The following NAALAD2 variants were observed in gnomAD, a reference collection of about 807,000 sequenced individuals.
NAALAD2 encodes the protein N-acetylated alpha-linked acidic dipeptidase 2, also known as N-acetylated-alpha-linked acidic dipeptidase 2.
A neutral mutation model predicts 95.6 loss-of-function variants in NAALAD2; 89 were observed. The ratio of observed to expected loss-of-function variants is 0.93; its 90% CI spans 0.78 to 1.11. The LOEUF is 1.11. Among genes scored for constraint, NAALAD2 ranks in the 50% least tolerant of loss-of-function variants. NAALAD2 has a pLI of 0.00. For synonymous variants in NAALAD2, 264 were observed against 294.4 expected, an observed-to-expected ratio of 0.90 and a Z score of 1.06; for missense variants, 894 against 872.4, an observed-to-expected ratio of 1.02 and a Z score of -0.31.
At chr11:90,134,579 C>A (rs1951406797), upstream of NAALAD2, 3 of 592,974 alleles carry the variant, frequency 5.1e-6, no homozygotes, top group Non-Finnish European at 6.0e-6. Context: ...GGCTTCCTTT[C>A]CCCCATCGAG....
intron 7 of NAALAD2, 131 bp downstream of exon 7, chr11:90,158,369 AAC>A (rs1952185516): frequency 3.1e-6 from 2 of 647,114 alleles, no homozygotes; most frequent in Non-Finnish European, 5.4e-6. Flanking sequence ...AAATAGGAAT[AAC>A]AGAGTATACT....
At chr11:90,170,304 TAAG>T (rs996986694) in intron 13 of NAALAD2, among the ~76,000 whole-genome samples, 168 bp downstream of exon 13, 10 of 152,248 alleles carry the variant, frequency 6.6e-5, no homozygotes, top group Non-Finnish European at 1.5e-4. Flanking sequence ...ATGACATAAC[TAAG>T]AAGATATTAT....
At chr11:90,173,802 A>G (rs376711919) in intron 13 of NAALAD2, 22 bp from the exon 14 acceptor site, 1 of 1,570,014 alleles carries the variant, frequency 6.4e-7, no homozygotes, top group African/African-American at 1.4e-5. Flanking sequence ...CCTAATTTCC[A>G]GTATTTGATT....
At chr11:90,150,430 T>A in intron 4 of NAALAD2, 52 bp from the exon 5 acceptor site, 5 of 1,171,190 alleles carry the variant, frequency 4.3e-6, no homozygotes, top group Non-Finnish European at 5.6e-6. Context: ...ATTTTTTGTT[T>A]TTTTTTTTCT....
chr11:90,156,228 C>T (rs966392192), intron 6 of NAALAD2, among the ~76,000 whole-genome samples: 26 of 151,864 alleles, frequency 1.7e-4, no homozygotes, highest in Non-Finnish European at 3.4e-4. Context: ...TTTCCTATTT[C>T]TTTTTTTAAA....
intron 4 of NAALAD2, among the ~76,000 whole-genome samples, chr11:90,149,679 C>A (rs1370888784): frequency 6.6e-6 from 1 of 151,950 alleles, no homozygotes; most frequent in Non-Finnish European, 1.5e-5. Flanking sequence ...CTCAGGTGAT[C>A]TGCTTGCCTC....
chr11:90,163,338 G>A lies in NAALAD2; in HGVS notation c.1104G>A (p.Arg368=), dbSNP rs1201895732. The A allele has an allele frequency of 3.1e-6, 5 of 1,613,810 alleles. No individual in the cohort carries two copies. The highest frequency in any genetic ancestry group is 2.2e-5 in the East Asian group (1 of 44,880). ...PDRYVILGGH[R]DSWVFGAIDP... The stretch of plus-strand genomic sequence containing the variant: ...GGTATGTTATTCTGGGAGGTCACCG[G>A]GACTCCTGGGTATTTGGAGCTATTG... The change falls in exon 10 of 19, where the codon CGG becomes CGA. Residue 368 remains arginine (R), a synonymous_variant. Coordinates refer to ENST00000534061, the MANE Select transcript of NAALAD2 (RefSeq NM_005467.4).
Position 90,192,738 on chromosome 11 carries a change from C to CTGA in NAALAD2, c.*994_*996dup, listed in dbSNP as rs1335338543. 1.3e-5 allele frequency: 2 copies of CTGA among 151,924 alleles called. No individual in the cohort carries two copies. The highest frequency in any genetic ancestry group is 4.8e-5 in the African/African-American group (2 of 41,406). The allele number at this position is 151,924 out of a possible 1,614,324, so 9.4% of individuals were successfully genotyped here. A position where few individuals can be genotyped will look rare whatever the true frequency, so the allele number is the denominator to read the frequency against. The stretch of plus-strand genomic sequence containing the variant: ...AGCTCTACTGAATAAACATATAAGT[C>CTGA]TGATGGGTGATGAAAATAGCTACTA... On this transcript the variant is annotated 3_prime_UTR_variant, in exon 19 of 19. Coordinates refer to ENST00000534061, the MANE Select transcript of NAALAD2 (RefSeq NM_005467.4).
Position 90,169,813 on chromosome 11 carries a change from T to C in NAALAD2, c.1343-256T>C, listed in dbSNP as rs1277039267. ...CCCCTAAGAATTGCTGCCATGAGAA[T>C]GACCCTTATAATCACTGTGACAGCT... On this transcript the variant is annotated intron_variant, in intron 12 of 18. Transcript: ENST00000534061. The C allele has an allele frequency of 2.9e-5, 12 of 410,100 alleles. No homozygotes were observed. In the East Asian group the frequency reaches 4.5e-4, roughly 15 times the overall value. The allele number at this position is 410,100 out of a possible 1,614,324, so 25.4% of individuals were successfully genotyped here. A position where few individuals can be genotyped will look rare whatever the true frequency, so the allele number is the denominator to read the frequency against.
At chr11:90,188,846 C>T (rs1209508110) in intron 18 of NAALAD2, among the ~76,000 whole-genome samples, 3 of 151,944 alleles carry the variant, frequency 2.0e-5, no homozygotes, top group Non-Finnish European at 2.9e-5. Flanking sequence ...TCGTTTTTTC[C>T]CTAATGAAAG....
At chr11:90,166,482 C>G (rs1952450112) in intron 11 of NAALAD2, among the ~76,000 whole-genome samples, 1 of 152,178 alleles carries the variant, frequency 6.6e-6, no homozygotes, top group South Asian at 2.1e-4. Flanking sequence ...GGTATCCCCT[C>G]CATAAATGGA....
chr11:90,133,542 G>T (rs1951386457), upstream of NAALAD2, among the ~76,000 whole-genome samples: 1 of 152,122 alleles, frequency 6.6e-6, no homozygotes, highest in Non-Finnish European at 1.5e-5. Context: ...TAGCATAAGG[G>T]AATCGTAGTA....
At chr11:90,187,264 C>T (rs537887406) in intron 18 of NAALAD2, among the ~76,000 whole-genome samples, 5 of 152,054 alleles carry the variant, frequency 3.3e-5, no homozygotes, top group South Asian at 2.1e-4. Flanking sequence ...GTCAGTGTGG[C>T]GATTCCTCAG....
chr11:90,172,405 C>T (rs756991273), intron 13 of NAALAD2, among the ~76,000 whole-genome samples: 2 of 152,160 alleles, frequency 1.3e-5, no homozygotes, highest in Non-Finnish European at 2.9e-5. Flanking sequence ...CTGTTACCTT[C>T]TACTTGAAGG....
At chr11:90,136,695 G>GGGTTA (rs1367246224) in intron 2 of NAALAD2, among the ~76,000 whole-genome samples, 2 of 152,138 alleles carry the variant, frequency 1.3e-5, no homozygotes, top group African/African-American at 4.8e-5. Flanking sequence ...AATTTGGGTT[G>GGGTTA]ATTATAGTTT....
intron 2 of NAALAD2, 47 bp from the exon 3 acceptor site, chr11:90,147,283 T>C (rs771197489): frequency 2.1e-6 from 3 of 1,459,000 alleles, no homozygotes; most frequent in Non-Finnish European, 2.8e-6. Context: ...AGGCACATCG[T>C]CTGAGCATAG....
At position 90,170,153 on chromosome 11, in the gene NAALAD2, G is replaced by A. The variant is rs1185695428; in HGVS notation, c.1410+17G>A. 17 of 1,413,944 alleles carry A rather than the reference G, an allele frequency of 1.2e-5. No individual in the cohort carries two copies. Among genetic ancestry groups the A allele is most frequent in the African/African-American group, 9.9e-5 (7 of 70,956 alleles). 87.6% of individuals were successfully genotyped at this position (1,413,944 alleles called of 1,614,324 possible). Reference sequence around the variant, plus strand: ...ACAAAAGAGGTATATAAGGAAATGTGTCTTCATATGTTCTCTTTTGAATGG... The same window carrying A: ...ACAAAAGAGGTATATAAGGAAATGTATCTTCATATGTTCTCTTTTGAATGG... On this transcript the variant is annotated intron_variant, in intron 13 of 18. Coordinates refer to ENST00000534061, the MANE Select transcript of NAALAD2 (RefSeq NM_005467.4).
intron 2 of NAALAD2, among the ~76,000 whole-genome samples, chr11:90,146,680 A>T (rs1401580626): frequency 6.6e-6 from 1 of 152,038 alleles, no homozygotes. Context: ...CTTTAAAAAT[A>T]TTATTCACCC....
At chr11:90,183,502 CAAATA>C (rs1857029945) in intron 18 of NAALAD2, among the ~76,000 whole-genome samples, 2 of 152,216 alleles carry the variant, frequency 1.3e-5, no homozygotes, top group African/African-American at 2.4e-5. Context: ...CTGTTAAAGT[CAAATA>C]AAATAAGTTT....
Sources: gnomAD v4.1 joint callset for allele counts (sites outside exome capture counted in the v4.1 genomes callset) on GRCh38, gnomAD v4.1.1 for gene constraint, MANE v1.5 for transcripts, NCBI Gene and HGNC (gene_info 2026-07-23, HGNC 2026-07-21) for gene names.